RIN2: variants seen among roughly 807,000 people sequenced by gnomAD.
RIN2 encodes Ras and Rab interactor 2, also known as RAB5 interacting protein 2.
In RIN2, 36 loss-of-function variants were observed where a neutral mutation model predicts 78.0. The ratio of observed to expected loss-of-function variants is 0.46; its 90% CI spans 0.35 to 0.61. RIN2 has a LOEUF of 0.61. Among genes scored for constraint, RIN2 ranks in the 20% least tolerant of loss-of-function variants. RIN2 has a pLI of 0.00. For missense variants in RIN2, 1,087 were observed against 1,159.7 expected, an observed-to-expected ratio of 0.94 and a Z score of 0.91; for synonymous variants, 466 against 466.8, an observed-to-expected ratio of 1.00 and a Z score of 0.02.
intron 4 of RIN2, among the ~76,000 whole-genome samples, chr20:19,945,251 G>C (rs1231658047): frequency 8.5e-5 from 13 of 152,172 alleles, no homozygotes; most frequent in Admixed American, 3.3e-4. Context: ...AGGAGGCTGA[G>C]GGAGACTAGA....
chr20:19,863,970 G>T (rs577022925), intron 2 of RIN2, among the ~76,000 whole-genome samples: 1 of 150,814 alleles, frequency 6.6e-6, no homozygotes, highest in Non-Finnish European at 1.5e-5. Context: ...CTCAACAGGG[G>T]CTAGATTGCC....
intron 2 of RIN2, among the ~76,000 whole-genome samples, chr20:19,887,496 G>A (rs183944169): frequency 2.5e-4 from 38 of 152,168 alleles, no homozygotes; most frequent in African/African-American, 9.2e-4. Context: ...TTATGAAGGA[G>A]AGATGCCACC....
At chr20:19,990,909 A>G (rs999283078) in intron 10 of RIN2, among the ~76,000 whole-genome samples, 15 of 152,206 alleles carry the variant, frequency 9.9e-5, no homozygotes, top group African/African-American at 3.6e-4. Context: ...AAGCTGAAGC[A>G]ATATAATTGA....
chr20:19,843,863 G>T (rs1157096773), intron 2 of RIN2, among the ~76,000 whole-genome samples: 1 of 152,014 alleles, frequency 6.6e-6, no homozygotes, highest in Non-Finnish European at 1.5e-5. Context: ...ATAACCTTTA[G>T]TCCTCAAAAT....
intron 8 of RIN2, among the ~76,000 whole-genome samples, chr20:19,973,154 G>C (rs2042159334): frequency 6.6e-6 from 1 of 152,104 alleles, no homozygotes; most frequent in Non-Finnish European, 1.5e-5. Context: ...AAGTTCCAAA[G>C]ATACTTAAAC....
chr20:19,880,875 T>G (rs900799689), intron 2 of RIN2, among the ~76,000 whole-genome samples: 1 of 152,152 alleles, frequency 6.6e-6, no homozygotes, highest in Non-Finnish European at 1.5e-5. Flanking sequence ...CTCTTCAACC[T>G]CCATAGAAAT....
chr20:20,000,580 C>G (rs1285069936), intron 12 of RIN2, 33 bp from the exon 13 acceptor site: 19 of 1,536,356 alleles, frequency 1.2e-5, no homozygotes, highest in Admixed American at 1.8e-5. Flanking sequence ...GTTTTCTCTT[C>G]TGACTGTCTC....
At chr20:19,887,538 C>T (rs1455465188) in intron 2 of RIN2, among the ~76,000 whole-genome samples, 3 of 152,096 alleles carry the variant, frequency 2.0e-5, no homozygotes, top group African/African-American at 7.2e-5. Context: ...GATCTGCCTG[C>T]CCTGAGCAGA....
rs748159962 is a variant in RIN2 at position 19,960,718 on chromosome 20, T to C, written c.370T>C (p.Ser124Pro). Residue 124 changes from serine (S) to proline (P), a missense_variant, in exon 6 of 13, where the codon TCT (serine) becomes CCT (proline). Physicochemically the swap from Ser to Pro is moderately conservative, Grantham distance 74 (BLOSUM62 -1). Around this residue, in one of 8 missense-constraint regions of RIN2, gnomAD observed 706 missense variants for 667.5 expected, o/e 1.06. Transcript: ENST00000255006. ...QPPGIFLVHK[S>P]TKMQKKVLSL... ...CCACTAGATCTTCCTGGTTCATAAATCTACCAAGATGCAGAAGAAAGTCCT... is the reference window on the plus strand; with the variant it reads ...CCACTAGATCTTCCTGGTTCATAAACCTACCAAGATGCAGAAGAAAGTCCT... The C allele has an allele frequency of 6.9e-6, 11 of 1,599,534 alleles. No individual in the cohort carries two copies. In the Admixed American group the frequency reaches 6.9e-5, roughly 10 times the overall value.
chr20:19,883,281 A>G (rs1466519844), intron 2 of RIN2, among the ~76,000 whole-genome samples: 2 of 151,468 alleles, frequency 1.3e-5, no homozygotes, highest in Non-Finnish European at 1.5e-5. Flanking sequence ...CCCAAGGGGG[A>G]AAATGAGGGC....
chr20:19,966,736 G>T (rs1426778308), intron 7 of RIN2, among the ~76,000 whole-genome samples: 1 of 152,192 alleles, frequency 6.6e-6, no homozygotes, highest in African/African-American at 2.4e-5. Context: ...CTGCTCACCA[G>T]CAGGAAGAAA....
chr20:19,927,995 T>C (rs887241585), intron 3 of RIN2, among the ~76,000 whole-genome samples: 7 of 152,202 alleles, frequency 4.6e-5, no homozygotes, highest in African/African-American at 1.7e-4. Context: ...CTCCACCACC[T>C]GGGTTCAAGT....
chr20:19,825,352 T>A (rs2036058065), intron 2 of RIN2, among the ~76,000 whole-genome samples: 1 of 152,218 alleles, frequency 6.6e-6, no homozygotes, highest in Non-Finnish European at 1.5e-5. Flanking sequence ...TCCAGAGCAG[T>A]CCATGCCATG....
chr20:19,978,258 G>T (rs1395188089), intron 9 of RIN2, among the ~76,000 whole-genome samples: 1 of 152,158 alleles, frequency 6.6e-6, no homozygotes, highest in Non-Finnish European at 1.5e-5. Flanking sequence ...TAGATTTATG[G>T]AACAACTTGA....
intron 4 of RIN2, among the ~76,000 whole-genome samples, chr20:19,936,563 A>G (rs2040652954): frequency 6.6e-6 from 1 of 152,280 alleles, no homozygotes; most frequent in South Asian, 2.1e-4. Flanking sequence ...CAGATGACAG[A>G]CACCCAGACA....
intron 2 of RIN2, among the ~76,000 whole-genome samples, chr20:19,813,358 T>C (rs1452448574): frequency 6.6e-6 from 1 of 152,262 alleles, no homozygotes; most frequent in Non-Finnish European, 1.5e-5. Flanking sequence ...TTGTACTTCA[T>C]GGCTTCTTTC....
At chr20:19,889,314 T>C in intron 2 of RIN2, 3 of 1,187,830 alleles carry the variant, frequency 2.5e-6, no homozygotes, top group Non-Finnish European at 3.1e-6. Context: ...TTAGGCTTCC[T>C]GAAGTCCCAA....
intron 2 of RIN2, among the ~76,000 whole-genome samples, chr20:19,842,947 T>C (rs1361688010): frequency 6.6e-6 from 1 of 151,936 alleles, no homozygotes; most frequent in Non-Finnish European, 1.5e-5. Context: ...AATTGGAGTT[T>C]GGAAGAAGTT....
intron 1 of RIN2, among the ~76,000 whole-genome samples, chr20:19,794,803 C>G (rs763533653): frequency 6.6e-6 from 1 of 152,090 alleles, no homozygotes; most frequent in East Asian, 1.9e-4. Flanking sequence ...TTTCTCACAA[C>G]GCCTCGCACC....
Sources: allele counts gnomAD v4.1 joint callset (sites outside exome capture counted in the v4.1 genomes callset), GRCh38; gene constraint gnomAD v4.1.1; regional missense constraint gnomAD v4.1.1; transcripts MANE v1.5; gene names NCBI Gene and HGNC (gene_info 2026-07-23, HGNC 2026-07-21).